Variants in LAMA2 observed in about 807,000 individuals in gnomAD.
LAMA2 encodes laminin subunit alpha-2.
Under a neutral mutation model 364.8 loss-of-function variants are expected in LAMA2, and 269 were observed. That is an observed-to-expected ratio of 0.74 (90% CI 0.67 to 0.82). The LOEUF is 0.82. LAMA2 is among the 40% of genes least tolerant of loss of function. LAMA2 has a pLI of 0.00. For synonymous variants in LAMA2, 1,379 were observed against 1,370.6 expected (o/e 1.01, Z -0.14); for missense variants, 3,807 against 3,873.2 (o/e 0.98, Z 0.45).
At chr6:129,274,500 T>C (rs1354200947) in intron 17 of LAMA2, among the ~76,000 whole-genome samples, 2 of 152,018 alleles carry the variant, frequency 1.3e-5, no homozygotes, top group South Asian at 4.1e-4. Flanking sequence ...TGGTGATTTA[T>C]CTATTTAATC....
intron 9 of LAMA2, among the ~76,000 whole-genome samples, chr6:129,166,834 G>A (rs1779771285): frequency 6.6e-6 from 1 of 152,028 alleles, no homozygotes; most frequent in Admixed American, 6.6e-5. Context: ...TTAACTTTAT[G>A]TGATGAGTTT....
Position 129,066,038 on chromosome 6 carries a change from G to GTTTTTTTTTTTTTTTTTTTTTTTT in LAMA2, c.396+6144_396+6167dup, listed in dbSNP as rs544271722. On this transcript the variant is annotated intron_variant, in intron 3 of 64. Coordinates refer to ENST00000421865, the MANE Select transcript of LAMA2 (RefSeq NM_000426.4). ...TCTTTTGTAAATTGCCCAGTCTCAG[G>GTTTTTTTTTTTTTTTTTTTTTTTT]TTTTTTTTTTTTTTTTTTTTTTTTT... 1.6e-4 allele frequency among the ~76,000 whole-genome samples: 6 copies of GTTTTTTTTTTTTTTTTTTTTTTTT among 37,116 alleles called. 1 individual carries two copies. The highest frequency in any genetic ancestry group is 4.3e-4 in the African/African-American group (5 of 11,690). 24.3% of individuals were successfully genotyped at this position (37,116 alleles called of 152,430 possible).
intron 4 of LAMA2, among the ~76,000 whole-genome samples, chr6:129,129,482 C>T (rs1777319358): frequency 6.6e-6 from 1 of 152,126 alleles, no homozygotes. Context: ...AGAATCATTT[C>T]CTCTCTTTTT....
intron 10 of LAMA2, among the ~76,000 whole-genome samples, chr6:129,186,849 T>C (rs1229805968): frequency 6.6e-6 from 1 of 151,672 alleles, no homozygotes; most frequent in Non-Finnish European, 1.5e-5. Context: ...CTAAGGGAAC[T>C]AAAGCAAAAA....
intron 4 of LAMA2, among the ~76,000 whole-genome samples, chr6:129,106,080 T>C (rs1775803682): frequency 6.6e-6 from 1 of 152,148 alleles, no homozygotes; most frequent in South Asian, 2.1e-4. Flanking sequence ...TTAGATTCAC[T>C]TTGATTCTGC....
Position 129,232,258 on chromosome 6 carries a change from T to G in LAMA2, c.1783-17854T>G, listed in dbSNP as rs372458670. Among the ~76,000 whole-genome samples, 14 of 152,266 alleles carry G rather than the reference T, an allele frequency of 9.2e-5. No homozygotes were observed. In the South Asian group the frequency reaches 2.5e-3, roughly 27 times the overall value. On this transcript the variant is annotated intron_variant, in intron 12 of 64. Coordinates refer to ENST00000421865, the MANE Select transcript of LAMA2 (RefSeq NM_000426.4). ...GTTTAACTCTTACTTTTGACATGAT[T>G]TATATTCTAAGGAGATCTCAGCTTC... is the stretch of plus-strand genomic sequence containing the variant.
chr6:129,137,021 A>G (rs1043643806), intron 4 of LAMA2, among the ~76,000 whole-genome samples: 2 of 152,148 alleles, frequency 1.3e-5, no homozygotes, highest in Non-Finnish European at 2.9e-5. Context: ...CTTATCTAAG[A>G]AGGAAAGACC....
intron 18 of LAMA2, 65 bp downstream of exon 18, chr6:129,280,212 C>T: frequency 9.9e-7 from 1 of 1,014,578 alleles, no homozygotes. Context: ...ACCGCAGATA[C>T]AATCATCCTT....
At chr6:129,124,471 G>T (rs185382278) in intron 4 of LAMA2, among the ~76,000 whole-genome samples, 2 of 152,332 alleles carry the variant, frequency 1.3e-5, no homozygotes, top group African/African-American at 4.8e-5. Flanking sequence ...ACCACCCACT[G>T]TGAGTGGAGG....
intron 37 of LAMA2, among the ~76,000 whole-genome samples, chr6:129,395,487 CATCCCTA>C (rs1779564409): frequency 2.0e-5 from 3 of 152,160 alleles, no homozygotes; most frequent in Admixed American, 2.0e-4. Context: ...TCTTGGACCC[CATCCCTA>C]AATGACCAAC....
Position 128,919,105 on chromosome 6 carries a change from T to A in LAMA2, c.112+35748T>A, listed in dbSNP as rs528172495. Among the ~76,000 whole-genome samples the A allele has an allele frequency of 4.6e-5, 7 of 152,288 alleles. No individual in the cohort carries two copies. In the East Asian group the frequency reaches 1.3e-3, roughly 29 times the overall value. ...TCCTCTCCCATCACTTTTCACTGTG[T>A]TCTGCTGATCTCCATACTGTTTCCT... On this transcript the variant is annotated intron_variant, in intron 1 of 64. Coordinates refer to ENST00000421865, the MANE Select transcript of LAMA2 (RefSeq NM_000426.4).
At chr6:129,280,417 G>T (rs974218763) in intron 18 of LAMA2, among the ~76,000 whole-genome samples, 1 of 152,064 alleles carries the variant, frequency 6.6e-6, no homozygotes, top group African/African-American at 2.4e-5. Context: ...TACAATCTTT[G>T]TAGAAAGCAT....
intron 1 of LAMA2, among the ~76,000 whole-genome samples, chr6:129,004,338 G>A (rs1784294296): frequency 1.8e-5 from 1 of 54,100 alleles, no homozygotes; most frequent in East Asian, 2.5e-4. Context: ...CACCAGCATG[G>A]CACATGTATA....
At chr6:129,210,189 T>C (rs1361294779) in intron 12 of LAMA2, among the ~76,000 whole-genome samples, 4 of 151,974 alleles carry the variant, frequency 2.6e-5, no homozygotes, top group African/African-American at 9.7e-5. Flanking sequence ...TGCAGATAGT[T>C]CCCTAGACTT....
intron 62 of LAMA2, among the ~76,000 whole-genome samples, chr6:129,508,026 C>T (rs1786247115): frequency 6.6e-6 from 1 of 152,082 alleles, no homozygotes. Flanking sequence ...TTCATAATCT[C>T]CTCCCCATCA....
chr6:129,050,024 C>T lies in LAMA2; in HGVS notation c.219C>T (p.Val73=), dbSNP rs767540192. 5 of 1,614,068 alleles carry T rather than the reference C, an allele frequency of 3.1e-6. No homozygotes were observed. The highest frequency in any genetic ancestry group is 2.2e-5 in the South Asian group (2 of 91,076). Reference sequence around the variant, plus strand: ...TGTACTGCAAATTGGTAGAACATGTCCCTGGGCAGCCTGTGAGGAACCCGC... The same window carrying T: ...TGTACTGCAAATTGGTAGAACATGTTCCTGGGCAGCCTGTGAGGAACCCGC... ...PEMYCKLVEH[V]PGQPVRNPQC... Residue 73 remains valine, a synonymous_variant, in exon 2 of 65, where the codon GTC becomes GTT. Transcript: ENST00000421865.
chr6:129,194,370 AT>A (rs371158456), intron 12 of LAMA2, among the ~76,000 whole-genome samples: 16 of 151,090 alleles, frequency 1.1e-4, no homozygotes, highest in African/African-American at 3.6e-4. Flanking sequence ...GGTCATATGC[AT>A]TTTTTTTTCT....
chr6:129,291,352 G>T (rs549881533), intron 19 of LAMA2, among the ~76,000 whole-genome samples: 4 of 152,236 alleles, frequency 2.6e-5, no homozygotes, highest in African/African-American at 9.6e-5. Context: ...AAATTGGAAT[G>T]ATGATGATGA....
intron 61 of LAMA2, among the ~76,000 whole-genome samples, chr6:129,506,136 T>C (rs995915438): frequency 3.9e-5 from 6 of 151,952 alleles, no homozygotes; most frequent in Non-Finnish European, 8.8e-5. Flanking sequence ...GCAGATCACT[T>C]GAGACCAGGA....
Sources: gnomAD v4.1 joint callset for allele counts (sites outside exome capture counted in the v4.1 genomes callset) on GRCh38, gnomAD v4.1.1 for gene constraint, MANE v1.5 for transcripts, NCBI Gene and HGNC (gene_info 2026-07-23, HGNC 2026-07-21) for gene names.